ADCY10: variants seen among roughly 807,000 people sequenced by gnomAD.
ADCY10 encodes adenylate cyclase type 10.
ADCY10 carries 156 observed loss-of-function variants against 183.3 expected under a neutral mutation model. The observed-to-expected ratio is 0.85, with a 90% confidence interval of 0.75 to 0.97. ADCY10 has a LOEUF of 0.97. ADCY10 is among the 50% of genes least tolerant of loss of function. ADCY10 has a pLI of 0.00. For missense variants in ADCY10, 1,745 were observed against 1,934.3 expected (o/e 0.90, Z 1.84); for synonymous variants, 645 against 670.0 (o/e 0.96, Z 0.58).
At chr1:167,898,781 CTCTG>C (rs1170655706) in intron 6 of ADCY10, among the ~76,000 whole-genome samples, 1 of 152,102 alleles carries the variant, frequency 6.6e-6, no homozygotes, top group African/African-American at 2.4e-5. Context: ...TGCACGGATT[CTCTG>C]TCTTTTCTTT....
intron 30 of ADCY10, chr1:167,819,901 G>A (rs1662779003): frequency 2.1e-6 from 2 of 944,244 alleles, no homozygotes; most frequent in South Asian, 1.3e-5. Context: ...AGCCAAATCG[G>A]ATCAACAGTA....
chr1:167,893,994 G>T, intron 7 of ADCY10, 53 bp from the exon 8 acceptor site: 1 of 1,291,826 alleles, frequency 7.7e-7, no homozygotes, highest in Non-Finnish European at 1.1e-6. Context: ...TGGCTCTGCA[G>T]TGCTAGTGAG....
chr1:167,829,128 T>C (rs1415117999), intron 26 of ADCY10, 139 bp downstream of exon 26: 1 of 939,126 alleles, frequency 1.1e-6, no homozygotes, highest in Non-Finnish European at 1.7e-6. Context: ...TGAGAACTGC[T>C]GGCCTTGTCA....
chr1:167,865,178 C>G (rs1406699671), intron 14 of ADCY10, among the ~76,000 whole-genome samples: 1 of 152,066 alleles, frequency 6.6e-6, no homozygotes, highest in African/African-American at 2.4e-5. Context: ...GTAAAATATA[C>G]TTTTGGTAAA....
At chr1:167,863,097 A>C (rs541039567) in intron 14 of ADCY10, among the ~76,000 whole-genome samples, 1 of 152,324 alleles carries the variant, frequency 6.6e-6, no homozygotes, top group South Asian at 2.1e-4. Flanking sequence ...CTGTTGAGGG[A>C]AGAGACAGAC....
Position 167,906,365 on chromosome 1 carries a change from T to TA in ADCY10, c.-58-1168dup, listed in dbSNP as rs1182903045. Among the ~76,000 whole-genome samples, 424 of 142,434 alleles carry TA rather than the reference T, an allele frequency of 3.0e-3. 1 individual carries two copies. Among genetic ancestry groups the TA allele is most frequent in the Middle Eastern group, 7.0e-3 (2 of 286 alleles). 93.4% of individuals were successfully genotyped at this position (142,434 alleles called of 152,430 possible). On this transcript the variant is annotated intron_variant, in intron 1 of 32. Coordinates refer to ENST00000367851, the MANE Select transcript of ADCY10 (RefSeq NM_018417.6). ...AAGAAAGAAACATATAACTAAGGTTTAAAAAAAAAAAGGGTAGCATTAAAA... is the reference window on the plus strand; with the variant it reads ...AAGAAAGAAACATATAACTAAGGTTTAAAAAAAAAAAAGGGTAGCATTAAAA...
intron 17 of ADCY10, among the ~76,000 whole-genome samples, chr1:167,854,885 G>T (rs1192488402): frequency 6.6e-6 from 1 of 152,168 alleles, no homozygotes; most frequent in Non-Finnish European, 1.5e-5. Context: ...CCAAATTGGT[G>T]CCTGGAGTTA....
chr1:167,864,688 T>G lies in ADCY10; in HGVS notation c.1617-3625A>C, dbSNP rs543647928. ...AAAAAAATAGTGTACCCTATTCCCT[T>G]TAAAAGCCAAGGTAAATTTAAAACC... is the stretch of plus-strand genomic sequence containing the variant. On this transcript the variant is annotated intron_variant, in intron 14 of 32. Coordinates refer to ENST00000367851, the MANE Select transcript of ADCY10 (RefSeq NM_018417.6). Among the ~76,000 whole-genome samples, 552 of 152,208 alleles carry G rather than the reference T, an allele frequency of 3.6e-3. 1 individual carries two copies. Among genetic ancestry groups the G allele is most frequent in the Non-Finnish European group, 5.0e-3 (338 of 68,002 alleles).
In ADCY10 at chr1:167,822,086, G is replaced by A. The variant is rs1328616583; in HGVS notation, c.4224C>T (p.Asn1408=). Residue 1408 remains asparagine (N), a synonymous_variant, in exon 30 of 33, where the codon AAC becomes AAT. Transcript: ENST00000367851. ...ECLEFIHQYE[N]NRILKFHSGL... is the part of the protein sequence containing the mutation. ...CACTGTGGAACTTGAGGATTCTGTT[G>A]TTTTCGTATTGGTGTATGAATTCCA... 1.9e-6 allele frequency: 3 copies of A among 1,610,728 alleles called. No individual in the cohort carries two copies. In the East Asian group the frequency reaches 6.7e-5, roughly 36 times the overall value.
At chr1:167,912,154 G>A (rs1670184501) in intron 1 of ADCY10, among the ~76,000 whole-genome samples, 1 of 152,142 alleles carries the variant, frequency 6.6e-6, no homozygotes, top group Non-Finnish European at 1.5e-5. Flanking sequence ...AATTTATTAT[G>A]ACCTTTTTAT....
At chr1:167,909,964 A>ACC (rs34431784) in intron 1 of ADCY10, among the ~76,000 whole-genome samples, 1 of 151,842 alleles carries the variant, frequency 6.6e-6, no homozygotes, top group African/African-American at 2.4e-5. Context: ...TAAAAGATTA[A>ACC]CCCCCATTCT....
At chr1:167,841,690 A>C (rs950664810) in intron 21 of ADCY10, among the ~76,000 whole-genome samples, 7 of 151,778 alleles carry the variant, frequency 4.6e-5, no homozygotes, top group Non-Finnish European at 7.4e-5. Flanking sequence ...GGGTCTTGCT[A>C]TCCTGCCCAG....
At position 167,854,337 on chromosome 1, in the gene ADCY10, T is replaced by C; in HGVS notation, c.2308+16A>G. 6.2e-7 allele frequency: 1 copy of C among 1,614,114 alleles called. No individual in the cohort carries two copies. Among genetic ancestry groups the C allele is most frequent in the South Asian group, 1.1e-5 (1 of 91,078 alleles). ...GGCAGAACAGAGTAAGAAAGAACCATCACCGCAGGACTTACTGAACAGGTT... is the reference window on the plus strand; with the variant it reads ...GGCAGAACAGAGTAAGAAAGAACCACCACCGCAGGACTTACTGAACAGGTT... On this transcript the variant is annotated intron_variant, in intron 18 of 32. Transcript: ENST00000367851.
rs748246675 is a variant in ADCY10, at chr1:167,822,020, T to C, written c.4286+4A>G. On this transcript the variant is annotated splice_donor_region_variant and intron_variant, in intron 30 of 32. Coordinates refer to ENST00000367851, the MANE Select transcript of ADCY10 (RefSeq NM_018417.6). ...GAATTTAGTGATATGCCACACATTG[T>C]TACCAGATAGCTACAGAGGAATAAA... 1.3e-6 allele frequency: 2 copies of C among 1,543,466 alleles called. No individual in the cohort carries two copies. Among genetic ancestry groups the C allele is most frequent in the Admixed American group, 3.3e-5 (2 of 59,934 alleles).
At chr1:167,846,392 A>T (rs893016738) in intron 19 of ADCY10, 129 bp from the exon 20 acceptor site, 44 of 1,122,190 alleles carry the variant, frequency 3.9e-5, no homozygotes, top group Non-Finnish European at 5.4e-5. Context: ...AGCCAAGCTA[A>T]GTCAAAAGAA....
intron 13 of ADCY10, among the ~76,000 whole-genome samples, chr1:167,874,636 T>TAC (rs1348777737): frequency 6.6e-6 from 1 of 152,228 alleles, no homozygotes; most frequent in African/African-American, 2.4e-5. Context: ...CAGAAATGCA[T>TAC]ACATGCATTC....
At chr1:167,894,076 A>T in intron 7 of ADCY10, 135 bp from the exon 8 acceptor site, 1 of 699,078 alleles carries the variant, frequency 1.4e-6, no homozygotes, top group Non-Finnish European at 2.6e-6. Flanking sequence ...AGACTCTGGG[A>T]CACCTAGGGG....
chr1:167,853,754 T>A (rs1157421779), intron 18 of ADCY10, among the ~76,000 whole-genome samples: 2 of 152,062 alleles, frequency 1.3e-5, no homozygotes, highest in East Asian at 3.9e-4. Context: ...AAAGGCTTTT[T>A]GAAGATAACA....
In ADCY10 at chr1:167,836,882, G is replaced by A. The variant is rs190869974; in HGVS notation, c.3078-342C>T. Among the ~76,000 whole-genome samples, 345 of 152,182 alleles carry A rather than the reference G, an allele frequency of 2.3e-3. 3 individuals carry two copies. Among genetic ancestry groups the A allele is most frequent in the African/African-American group, 8.0e-3 (332 of 41,516 alleles). Reference sequence around the variant, plus strand: ...CTACTAAAAATACAAAAAATTAGCCGGGTGTGGTGGCAGGCGCCTGTAGTC... The same window carrying A: ...CTACTAAAAATACAAAAAATTAGCCAGGTGTGGTGGCAGGCGCCTGTAGTC... On this transcript the variant is annotated intron_variant, in intron 22 of 32. Transcript: ENST00000367851.
Sources: allele counts gnomAD v4.1 joint callset (sites outside exome capture counted in the v4.1 genomes callset), GRCh38; gene constraint gnomAD v4.1.1; transcripts MANE v1.5; gene names NCBI Gene and HGNC (gene_info 2026-07-23, HGNC 2026-07-21).